Variants in UGT1A6 observed in about 807,000 individuals in gnomAD.
UGT1A6 encodes the protein UDP glucuronosyltransferase family 1 member A6, also known as UDP-glucuronosyltransferase 1A6.
A neutral mutation model predicts 44.4 loss-of-function variants in UGT1A6; 32 were observed. The ratio of observed to expected loss-of-function variants is 0.72; its 90% CI spans 0.54 to 0.97. The LOEUF (loss-of-function observed/expected upper bound fraction) is 0.97, where lower values mean the gene tolerates loss of function less well. Among genes scored for constraint, UGT1A6 ranks in the 50% least tolerant of loss-of-function variants. The pLI is 0.00. For synonymous variants in UGT1A6, 238 were observed against 248.5 expected (o/e 0.96, Z 0.40); for missense variants, 685 against 661.9 (o/e 1.03, Z -0.38).
intron 1 of UGT1A6, chr2:233,760,907 T>A: frequency 6.2e-7 from 1 of 1,614,208 alleles, no homozygotes. Context: ...ATGACCTTCC[T>A]GCAGCGGGTG....
intron 1 of UGT1A6, chr2:233,713,072 G>C (rs2076275928): frequency 6.2e-7 from 1 of 1,614,210 alleles, no homozygotes; most frequent in Non-Finnish European, 8.5e-7. Flanking sequence ...CCTGGGCTGA[G>C]AGTGGGAAGG....
intron 1 of UGT1A6, chr2:233,755,099 C>G: frequency 2.2e-6 from 3 of 1,335,076 alleles, no homozygotes; most frequent in Non-Finnish European, 3.0e-6. Context: ...TCTACGCGTC[C>G]GACAACACCT....
chr2:233,753,174 A>G (rs1695146972), intron 1 of UGT1A6: 2 of 152,226 alleles, frequency 1.3e-5, no homozygotes, highest in South Asian at 4.1e-4. Context: ...ATCACTAAAA[A>G]ATGAACTCAT....
rs548179341 is a variant in UGT1A6 at position 233,739,425 on chromosome 2, G to A, written c.862-27609G>A. ...GCCACCCTCTGAAAGCAGCCAGGACGAGGGCTTTACCCTGCAAAGCCACAG... is the reference window on the plus strand; with the variant it reads ...GCCACCCTCTGAAAGCAGCCAGGACAAGGGCTTTACCCTGCAAAGCCACAG... On this transcript the variant is annotated intron_variant, in intron 1 of 4. Transcript: ENST00000305139. Among the ~76,000 whole-genome samples the A allele has an allele frequency of 5.9e-5, 9 of 152,320 alleles. No individual in the cohort carries two copies. The East Asian group carries it at 7.7e-4, about 13-fold the overall frequency.
intron 1 of UGT1A6, among the ~76,000 whole-genome samples, chr2:233,751,605 T>G (rs1030087764): frequency 2.0e-5 from 3 of 152,194 alleles, no homozygotes; most frequent in African/African-American, 7.2e-5. Flanking sequence ...TGGGACCTGG[T>G]GGGAGGTGAT....
At chr2:233,767,193 T>G (rs373415241) in intron 2 of UGT1A6, 28 bp downstream of exon 2, 1 of 1,613,806 alleles carries the variant, frequency 6.2e-7, no homozygotes. Context: ...CATGGCCTCA[T>G]ATCTATTTTC....
chr2:233,731,132 CTA>C (rs1206897988), intron 1 of UGT1A6, among the ~76,000 whole-genome samples: 3 of 152,006 alleles, frequency 2.0e-5, no homozygotes, highest in African/African-American at 7.3e-5. Flanking sequence ...GCAAAAGACT[CTA>C]AGCTTCATTT....
chr2:233,716,551 C>A (rs886765309), intron 1 of UGT1A6, among the ~76,000 whole-genome samples: 2 of 152,122 alleles, frequency 1.3e-5, no homozygotes, highest in Admixed American at 6.5e-5. Context: ...TCCTTATATT[C>A]CTTTTTTCAT....
chr2:233,698,912 G>T (rs1019519579), intron 1 of UGT1A6, among the ~76,000 whole-genome samples: 1 of 152,230 alleles, frequency 6.6e-6, no homozygotes, highest in Non-Finnish European at 1.5e-5. Flanking sequence ...CCCAAGGAGG[G>T]ACGTGGCCGT....
At chr2:233,759,064 G>A (rs1398718835) in intron 1 of UGT1A6, among the ~76,000 whole-genome samples, 2 of 152,146 alleles carry the variant, frequency 1.3e-5, no homozygotes, top group Non-Finnish European at 2.9e-5. Flanking sequence ...CTCTGAAAAG[G>A]AATTTGGAAG....
intron 1 of UGT1A6, among the ~76,000 whole-genome samples, chr2:233,732,815 A>C (rs1359476181): frequency 7.1e-6 from 1 of 140,410 alleles, no homozygotes; most frequent in African/African-American, 2.7e-5. Context: ...TTGATTCCAT[A>C]TGAACTTTAA....
Position 233,745,045 on chromosome 2 carries a change from G to C in UGT1A6, c.862-21989G>C, listed in dbSNP as rs1692994086. Among the ~76,000 whole-genome samples the C allele has an allele frequency of 2.0e-5, 3 of 151,744 alleles. No homozygotes were observed. In the South Asian group the frequency reaches 6.2e-4, roughly 32 times the overall value. ...ATGTAAATAGTTGTTTTACAGTATT[G>C]GTTTTTTATTTGTATTATTTGTATT... On this transcript the variant is annotated intron_variant, in intron 1 of 4. Coordinates refer to ENST00000305139, the MANE Select transcript of UGT1A6 (RefSeq NM_001072.4).
Position 233,772,812 on chromosome 2 carries a change from C to T in UGT1A6, c.*253C>T, listed in dbSNP as rs61757316. ...ATGACATGTGCCATTTTTCAGAGGA[C>T]GTGCAGACAGGCTGGCATTCTAGAT... On this transcript the variant is annotated 3_prime_UTR_variant, in exon 5 of 5. Coordinates refer to ENST00000305139, the MANE Select transcript of UGT1A6 (RefSeq NM_001072.4). The T allele has an allele frequency of 4.4e-5, 46 of 1,035,780 alleles. No individual in the cohort carries two copies. The highest frequency in any genetic ancestry group is 6.9e-4 in the Middle Eastern group (2 of 2,918). 64.2% of individuals were successfully genotyped at this position (1,035,780 alleles called of 1,614,324 possible).
intron 1 of UGT1A6, among the ~76,000 whole-genome samples, chr2:233,698,975 G>A (rs527808539): frequency 6.6e-6 from 1 of 152,336 alleles, no homozygotes; most frequent in African/African-American, 2.4e-5. Context: ...AAGCCCTTTG[G>A]CCACCCAGGT....
chr2:233,725,053 GGC>G (rs1559369994), intron 1 of UGT1A6, among the ~76,000 whole-genome samples: 2 of 147,608 alleles, frequency 1.4e-5, no homozygotes, highest in African/African-American at 5.1e-5. Flanking sequence ...CAGGCGTGGC[GGC>G]GCGCGCCTGC....
chr2:233,744,852 T>C (rs17864703), intron 1 of UGT1A6, among the ~76,000 whole-genome samples: 15 of 152,070 alleles, frequency 9.9e-5, no homozygotes, highest in Non-Finnish European at 1.3e-4. Flanking sequence ...AGAGTAGTCC[T>C]TGGTATTCTG....
chr2:233,735,108 G>T (rs1171222877), intron 1 of UGT1A6, among the ~76,000 whole-genome samples: 1 of 152,182 alleles, frequency 6.6e-6, no homozygotes, highest in Non-Finnish European at 1.5e-5. Flanking sequence ...AATATCGACA[G>T]TGGGATGTTA....
chr2:233,723,516 CTTTTTT>C (rs1162916866), intron 1 of UGT1A6, among the ~76,000 whole-genome samples: 5 of 85,406 alleles, frequency 5.9e-5, no homozygotes, highest in African/African-American at 2.4e-4. Context: ...GGTCAACAAT[CTTTTTT>C]TTTTTTTTTT....
At chr2:233,728,231 G>A (rs1452925850) in intron 1 of UGT1A6, among the ~76,000 whole-genome samples, 2 of 152,110 alleles carry the variant, frequency 1.3e-5, no homozygotes, top group Admixed American at 6.5e-5. Context: ...TAATCTTCAG[G>A]ATGAAATAAA....
Sources: allele counts gnomAD v4.1 joint callset (sites outside exome capture counted in the v4.1 genomes callset), GRCh38; gene constraint gnomAD v4.1.1; transcripts MANE v1.5; gene names NCBI Gene and HGNC (gene_info 2026-07-23, HGNC 2026-07-21).